Variants in ZBTB7C observed in about 807,000 individuals in gnomAD.
The protein encoded by ZBTB7C is zinc finger and BTB domain containing 7C, also known as zinc finger and BTB domain-containing protein 7C.
Under a neutral mutation model 25.7 loss-of-function variants are expected in ZBTB7C, and 8 were observed. That is an observed-to-expected ratio of 0.31 (90% CI 0.18 to 0.56). The LOEUF (loss-of-function observed/expected upper bound fraction) is 0.56, where lower values mean the gene tolerates loss of function less well. Ranked by LOEUF, ZBTB7C falls within the 20% of genes least tolerant of loss-of-function variation. The pLI is 0.91. For synonymous variants in ZBTB7C, 394 were observed against 369.0 expected (o/e 1.07, Z -0.78); for missense variants, 824 against 855.2 (o/e 0.96, Z 0.46).
intron 1 of ZBTB7C, among the ~76,000 whole-genome samples, chr18:48,365,655 A>G (rs1359855055): frequency 9.2e-5 from 14 of 152,180 alleles, no homozygotes; most frequent in Admixed American, 8.5e-4. Flanking sequence ...AGGAACCCTA[A>G]AGCATGGGAC....
At chr18:48,245,303 T>C (rs1011947748) in intron 2 of ZBTB7C, among the ~76,000 whole-genome samples, 1 of 148,792 alleles carries the variant, frequency 6.7e-6, no homozygotes, top group African/African-American at 2.5e-5. Context: ...AATGATACAA[T>C]GGACTCTGGG....
At chr18:48,065,904 C>G (rs920303005) in intron 3 of ZBTB7C, among the ~76,000 whole-genome samples, 1 of 152,212 alleles carries the variant, frequency 6.6e-6, no homozygotes, top group Non-Finnish European at 1.5e-5. Context: ...AATACACCCC[C>G]ATCCCTGGAA....
chr18:48,085,714 G>A (rs9966219), intron 3 of ZBTB7C, among the ~76,000 whole-genome samples: 30,805 of 152,242 alleles, frequency 0.2, 4,397 homozygotes, highest in African/African-American at 0.4. Flanking sequence ...TATCTTCAGG[G>A]GAAAACTGAG....
intron 2 of ZBTB7C, among the ~76,000 whole-genome samples, chr18:48,203,189 C>T (rs1447137055): frequency 6.6e-6 from 1 of 152,166 alleles, no homozygotes; most frequent in Admixed American, 6.5e-5. Flanking sequence ...CTCTTTCCAC[C>T]CTTTCCCAGC....
chr18:48,053,190 C>A (rs1393973719), intron 3 of ZBTB7C, among the ~76,000 whole-genome samples: 1 of 152,204 alleles, frequency 6.6e-6, no homozygotes, highest in African/African-American at 2.4e-5. Flanking sequence ...AGGCAGCTTC[C>A]ATGTCTGTCT....
chr18:48,195,827 G>C (rs762017472), intron 2 of ZBTB7C, among the ~76,000 whole-genome samples: 20 of 152,044 alleles, frequency 1.3e-4, no homozygotes, highest in Non-Finnish European at 2.8e-4. Context: ...GTTTTTGTGA[G>C]TCTTTCCAAA....
intron 1 of ZBTB7C, among the ~76,000 whole-genome samples, chr18:48,362,340 A>T (rs1208259627): frequency 6.6e-6 from 1 of 152,172 alleles, no homozygotes; most frequent in East Asian, 1.9e-4. Context: ...CTATGTTGAA[A>T]CCTAATTTCC....
intron 1 of ZBTB7C, among the ~76,000 whole-genome samples, chr18:48,391,470 T>C (rs527972691): frequency 1.3e-5 from 2 of 152,212 alleles, no homozygotes; most frequent in Non-Finnish European, 2.9e-5. Context: ...GTGGAGTTCA[T>C]TGAATGTTTG....
intron 1 of ZBTB7C, among the ~76,000 whole-genome samples, chr18:48,407,365 A>T (rs1001478296): frequency 1.3e-5 from 2 of 152,228 alleles, no homozygotes; most frequent in African/African-American, 4.8e-5. Context: ...GGAGCAGGAA[A>T]AGTTGGGATA....
intron 2 of ZBTB7C, among the ~76,000 whole-genome samples, chr18:48,294,080 G>A (rs1209577003): frequency 6.6e-6 from 1 of 152,210 alleles, no homozygotes; most frequent in African/African-American, 2.4e-5. Context: ...TACCTCCCTG[G>A]GGAAGGGCAA....
At chr18:48,318,429 G>A (rs377665979) in intron 2 of ZBTB7C, among the ~76,000 whole-genome samples, 7 of 151,930 alleles carry the variant, frequency 4.6e-5, no homozygotes, top group African/African-American at 1.2e-4. Flanking sequence ...CTGCCTTCCC[G>A]GCTGGTCAGG....
chr18:48,103,063 T>A (rs1405521308), intron 3 of ZBTB7C, among the ~76,000 whole-genome samples: 5 of 144,606 alleles, frequency 3.5e-5, no homozygotes, highest in African/African-American at 1.0e-4. Flanking sequence ...ATATCTTGTA[T>A]ATATATATTT....
intron 1 of ZBTB7C, among the ~76,000 whole-genome samples, chr18:48,387,010 C>T (rs760278337): frequency 2.0e-5 from 3 of 152,086 alleles, no homozygotes; most frequent in African/African-American, 2.4e-5. Context: ...GAAGACTTCT[C>T]GGAGTAGGAG....
At chr18:48,333,381 A>G (rs1315400488) in intron 2 of ZBTB7C, among the ~76,000 whole-genome samples, 2 of 151,870 alleles carry the variant, frequency 1.3e-5, no homozygotes, top group Non-Finnish European at 2.9e-5. Flanking sequence ...TCAAATCTTT[A>G]GCAAGTAAGA....
intron 2 of ZBTB7C, among the ~76,000 whole-genome samples, chr18:48,253,514 G>A (rs1599197600): frequency 6.6e-6 from 1 of 152,322 alleles, no homozygotes; most frequent in Admixed American, 6.5e-5. Flanking sequence ...TTGAGAGAGT[G>A]TCCAGGCCAT....
At chr18:48,320,205 T>C (rs934144106) in intron 2 of ZBTB7C, among the ~76,000 whole-genome samples, 1 of 151,652 alleles carries the variant, frequency 6.6e-6, no homozygotes, top group Non-Finnish European at 1.5e-5. Flanking sequence ...AAAGGGCATA[T>C]CCCAGGCCAA....
At chr18:48,328,844 A>T (rs1195811011) in intron 2 of ZBTB7C, among the ~76,000 whole-genome samples, 1 of 152,134 alleles carries the variant, frequency 6.6e-6, no homozygotes, top group East Asian at 1.9e-4. Flanking sequence ...ACTTTCCAGG[A>T]CTCACTACAT....
At chr18:48,155,318 C>CTTTTTTT (rs578058729) in intron 3 of ZBTB7C, among the ~76,000 whole-genome samples, 4 of 78,006 alleles carry the variant, frequency 5.1e-5, no homozygotes, top group Non-Finnish European at 7.0e-5. Flanking sequence ...CTGTAATATT[C>CTTTTTTT]TTTTTTTTTT....
At chr18:48,136,235 G>T (rs1277523735) in intron 3 of ZBTB7C, among the ~76,000 whole-genome samples, 1 of 152,194 alleles carries the variant, frequency 6.6e-6, no homozygotes, top group East Asian at 1.9e-4. Context: ...GGACGCACGG[G>T]GTCAGTCCTT....
Sources: allele counts gnomAD v4.1 joint callset (sites outside exome capture counted in the v4.1 genomes callset), GRCh38; gene constraint gnomAD v4.1.1; transcripts MANE v1.5; gene names NCBI Gene and HGNC (gene_info 2026-07-23, HGNC 2026-07-21).